NCKAP5: variants seen among roughly 807,000 people sequenced by gnomAD.
NCKAP5 encodes the protein NCK associated protein 5, also known as nck-associated protein 5.
Under a neutral mutation model 167.0 loss-of-function variants are expected in NCKAP5, and 92 were observed. That is an observed-to-expected ratio of 0.55 (90% CI 0.47 to 0.66). The LOEUF is 0.66. NCKAP5 is among the 30% of genes least tolerant of loss of function. The probability of loss-of-function intolerance (pLI) is 0.00; values close to 1 mark genes in which losing one functional copy is unlikely to be tolerated. For synonymous variants in NCKAP5, 891 were observed against 877.4 expected, an observed-to-expected ratio of 1.02 and a Z score of -0.27; for missense variants, 2,378 against 2,315.0, an observed-to-expected ratio of 1.03 and a Z score of -0.56.
chr2:132,834,495 C>T (rs1013581473), intron 11 of NCKAP5, among the ~76,000 whole-genome samples: 2 of 152,162 alleles, frequency 1.3e-5, no homozygotes, highest in Non-Finnish European at 2.9e-5. Flanking sequence ...CAGGCACCCA[C>T]CACCATGCCT....
the NCKAP5 span, among the ~76,000 whole-genome samples, chr2:133,633,057 G>A: frequency 6.6e-6 from 1 of 152,142 alleles, no homozygotes; most frequent in East Asian, 1.9e-4. Context: ...AATCCTCATA[G>A]AAACAAATGT....
chr2:133,094,907 T>G (rs78121113), intron 6 of NCKAP5, among the ~76,000 whole-genome samples: 7,769 of 152,158 alleles, frequency 0.051, 639 homozygotes, highest in African/African-American at 0.17. Context: ...CCTAGAAGTT[T>G]AGAGTAGCCC....
intron 6 of NCKAP5, among the ~76,000 whole-genome samples, chr2:133,027,468 G>T (rs1436178637): frequency 5.3e-5 from 8 of 152,166 alleles, no homozygotes; most frequent in Admixed American, 2.0e-4. Flanking sequence ...ATTAGATGAA[G>T]CACGTGAGAC....
the NCKAP5 span, among the ~76,000 whole-genome samples, chr2:133,641,605 G>GCAAGCAC: frequency 6.6e-6 from 1 of 152,238 alleles, no homozygotes; most frequent in African/African-American, 2.4e-5. Flanking sequence ...GCTGATGAAG[G>GCAAGCAC]CAAGCACGTG....
intron 11 of NCKAP5, among the ~76,000 whole-genome samples, chr2:132,812,863 C>A (rs1172509099): frequency 6.6e-6 from 1 of 152,124 alleles, no homozygotes. Flanking sequence ...ATAGATGGTG[C>A]CTTCTCACTG....
intron 12 of NCKAP5, among the ~76,000 whole-genome samples, chr2:132,794,306 AGGGT>A (rs1333227845): frequency 9.8e-5 from 10 of 102,130 alleles, no homozygotes; most frequent in African/African-American, 3.7e-4. Context: ...AGAGAGAGAG[AGGGT>A]GGCGGGAAGA....
At chr2:133,174,150 T>C (rs908941517) in intron 5 of NCKAP5, among the ~76,000 whole-genome samples, 1 of 152,226 alleles carries the variant, frequency 6.6e-6, no homozygotes, top group African/African-American at 2.4e-5. Flanking sequence ...TTCTAAGCTG[T>C]AGCAGTTGCC....
chr2:133,663,406 G>T, the NCKAP5 span, among the ~76,000 whole-genome samples: 1 of 152,168 alleles, frequency 6.6e-6, no homozygotes, highest in African/African-American at 2.4e-5. Flanking sequence ...TGGGACGGTG[G>T]TGCCAATTTG....
chr2:133,009,238 T>C (rs981580754), intron 6 of NCKAP5, among the ~76,000 whole-genome samples: 2 of 152,220 alleles, frequency 1.3e-5, no homozygotes, highest in African/African-American at 4.8e-5. Flanking sequence ...AACTTATTCA[T>C]AGACTACCCT....
chr2:133,618,775 T>C, the NCKAP5 span, among the ~76,000 whole-genome samples: 51 of 146,562 alleles, frequency 3.5e-4, no homozygotes, highest in Admixed American at 2.8e-3. Flanking sequence ...GAACTGGAAA[T>C]ACCATTTGAC....
intron 3 of NCKAP5, among the ~76,000 whole-genome samples, chr2:133,481,738 T>G (rs1460519584): frequency 6.6e-6 from 1 of 152,218 alleles, no homozygotes; most frequent in African/African-American, 2.4e-5. Context: ...TCCAGCTCCA[T>G]CCATGTGCCT....
intron 3 of NCKAP5, among the ~76,000 whole-genome samples, chr2:133,496,053 T>A (rs1471832907): frequency 6.6e-6 from 1 of 152,208 alleles, no homozygotes; most frequent in African/African-American, 2.4e-5. Flanking sequence ...CTTTTGGAGA[T>A]GATGATGTTA....
chr2:132,934,480 C>T (rs982753804), intron 8 of NCKAP5, among the ~76,000 whole-genome samples: 13 of 151,646 alleles, frequency 8.6e-5, no homozygotes, highest in South Asian at 8.4e-4. Flanking sequence ...GGCTGAGGCA[C>T]GAGAATTGCT....
intron 6 of NCKAP5, among the ~76,000 whole-genome samples, chr2:133,071,425 A>G (rs2080395516): frequency 6.6e-6 from 1 of 152,212 alleles, no homozygotes; most frequent in African/African-American, 2.4e-5. Flanking sequence ...AGCCTGGGCG[A>G]CAGAGCGAGA....
At chr2:133,011,084 T>C (rs556065335) in intron 6 of NCKAP5, among the ~76,000 whole-genome samples, 106 of 152,344 alleles carry the variant, frequency 7.0e-4, no homozygotes, top group Non-Finnish European at 1.1e-3. Context: ...GAATGAGTGA[T>C]AATATACTAC....
intron 4 of NCKAP5, among the ~76,000 whole-genome samples, chr2:133,246,166 A>C (rs1051776094): frequency 1.3e-5 from 2 of 152,088 alleles, no homozygotes; most frequent in Non-Finnish European, 2.9e-5. Flanking sequence ...GGCAAAATGA[A>C]TGGTAACTGA....
At chr2:133,399,034 T>A (rs1687929863) in intron 3 of NCKAP5, among the ~76,000 whole-genome samples, 1 of 152,124 alleles carries the variant, frequency 6.6e-6, no homozygotes. Flanking sequence ...AGGAGGAACC[T>A]TGTAGAAATA....
rs34264277 is a variant in NCKAP5, at chr2:133,181,603, C to CAAAAAAAAAAAAA, written c.207+32100_207+32112dup. On this transcript the variant is annotated intron_variant, in intron 5 of 19. Coordinates refer to ENST00000409261, the MANE Select transcript of NCKAP5 (RefSeq NM_207363.3). ...GCAACATGGTAAATCCCCATCTCTA[C>CAAAAAAAAAAAAA]AAAAAAAAAAAAAAAAAAAAAAAAA... 1.1e-3 allele frequency among the ~76,000 whole-genome samples: 80 copies of CAAAAAAAAAAAAA among 71,146 alleles called. 2 individuals carry two copies. The highest frequency in any genetic ancestry group is 3.0e-3 in the South Asian group (5 of 1,688). The allele number at this position is 71,146 out of a possible 152,430, so 46.7% of individuals were successfully genotyped here.
At chr2:133,192,859 T>C (rs2085287684) in intron 5 of NCKAP5, among the ~76,000 whole-genome samples, 1 of 152,178 alleles carries the variant, frequency 6.6e-6, no homozygotes, top group Non-Finnish European at 1.5e-5. Context: ...CTTAAATAAC[T>C]AACCATGCAA....
Sources: allele counts gnomAD v4.1 joint callset (sites outside exome capture counted in the v4.1 genomes callset), GRCh38; gene constraint gnomAD v4.1.1; transcripts MANE v1.5; gene names NCBI Gene and HGNC (gene_info 2026-07-23, HGNC 2026-07-21).